Variants in EIF4E observed in about 807,000 individuals in gnomAD.
EIF4E encodes eIF-4F 25 kDa subunit.
For missense variants in EIF4E, 113 were observed against 265.6 expected (o/e 0.43, Z 3.99); for synonymous variants, 71 against 88.5 (o/e 0.80, Z 1.11).
intron 6 of EIF4E, among the ~76,000 whole-genome samples, chr4:98,884,038 C>CA (rs11438126): frequency 0.45 from 45,665 of 102,512 alleles, 7,595 homozygotes; most frequent in Non-Finnish European, 0.47. Flanking sequence ...GACCCTGTCT[C>CA]AAAAAAAAAA....
At chr4:98,889,840 G>T (rs945317254) in intron 3 of EIF4E, among the ~76,000 whole-genome samples, 2 of 151,868 alleles carry the variant, frequency 1.3e-5, no homozygotes, top group Admixed American at 1.3e-4. Context: ...GCTTTTTTTT[G>T]GGGGGTGCAG....
intron 1 of EIF4E, among the ~76,000 whole-genome samples, chr4:98,907,152 A>G (rs138470254): frequency 3.3e-5 from 5 of 152,292 alleles, no homozygotes; most frequent in African/African-American, 9.6e-5. Flanking sequence ...TTTTTAAATT[A>G]TATTTATCAC....
At chr4:98,886,995 G>A in intron 5 of EIF4E, 84 bp downstream of exon 5, 1 of 1,379,460 alleles carries the variant, frequency 7.2e-7, no homozygotes, top group Non-Finnish European at 1.0e-6. Flanking sequence ...CTTAAATTAA[G>A]TAACAAATGT....
At position 98,924,428 on chromosome 4, in the gene EIF4E, G is replaced by C. The variant is rs138157266; in HGVS notation, c.18+4667C>G. 9.0e-3 allele frequency among the ~76,000 whole-genome samples: 1,363 copies of C among 151,878 alleles called. 25 individuals are homozygous for C. Among genetic ancestry groups the C allele is most frequent in the African/African-American group, 0.031 (1,292 of 41,402 alleles). The stretch of plus-strand genomic sequence containing the variant: ...ACAATATTTTACTTAAATGTTTTTT[G>C]CCTACAGTTTTCTGTCCAAACTAGA... On this transcript the variant is annotated intron_variant, in intron 1 of 6. Coordinates refer to ENST00000450253, the MANE Select transcript of EIF4E (RefSeq NM_001968.5).
At chr4:98,916,349 A>G (rs1489827489) in intron 1 of EIF4E, among the ~76,000 whole-genome samples, 1 of 151,924 alleles carries the variant, frequency 6.6e-6, no homozygotes, top group Non-Finnish European at 1.5e-5. Context: ...CTGGAAATTC[A>G]AAATGAATGG....
At chr4:98,925,622 AG>A (rs1208228124) in intron 1 of EIF4E, among the ~76,000 whole-genome samples, 7 of 152,226 alleles carry the variant, frequency 4.6e-5, no homozygotes, top group Non-Finnish European at 1.0e-4. Flanking sequence ...TCATACAAAG[AG>A]AAAACCACAC....
Position 98,880,953 on chromosome 4 carries a change from A to T in EIF4E, c.*75T>A. The stretch of plus-strand genomic sequence containing the variant: ...TAAATGCAGTCCACTCTGCTTTTTG[A>T]AGAGGCTTTGGTTCAGCTCCCAAAT... On this transcript the variant is annotated 3_prime_UTR_variant, in exon 7 of 7. Transcript: ENST00000450253. The T allele has an allele frequency of 6.5e-7, 1 of 1,543,980 alleles. No individual in the cohort carries two copies. The highest frequency in any genetic ancestry group is 8.8e-7 in the Non-Finnish European group (1 of 1,142,516).
chr4:98,890,216 A>ACCACAATCTATTTC (rs1345713955), intron 3 of EIF4E, among the ~76,000 whole-genome samples: 1 of 152,214 alleles, frequency 6.6e-6, no homozygotes, highest in Non-Finnish European at 1.5e-5. Context: ...TAAATTTTAT[A>ACCACAATCTATTTC]CCACAATCTA....
At chr4:98,891,426 C>A in intron 2 of EIF4E, 94 bp from the exon 3 acceptor site, 7 of 1,046,546 alleles carry the variant, frequency 6.7e-6, no homozygotes, top group Non-Finnish European at 1.0e-5. Context: ...AAGCAACCCA[C>A]CTGTCCATCA....
At chr4:98,924,681 C>T (rs1180823389) in intron 1 of EIF4E, among the ~76,000 whole-genome samples, 2 of 152,062 alleles carry the variant, frequency 1.3e-5, no homozygotes, top group East Asian at 1.9e-4. Context: ...GCAACCTCCA[C>T]CTCCAGGTTC....
chr4:98,914,062 CT>C lies in EIF4E; in HGVS notation c.19-12081del, dbSNP rs745701087. On this transcript the variant is annotated intron_variant, in intron 1 of 6. Coordinates refer to ENST00000450253, the MANE Select transcript of EIF4E (RefSeq NM_001968.5). The stretch of plus-strand genomic sequence containing the variant: ...TTACAGAACCATATAAAAATGAGCA[CT>C]TAAAAAAAAAAAAAGGCCAGGCACG... Among the ~76,000 whole-genome samples the C allele has an allele frequency of 2.1e-4, 31 of 148,216 alleles. No homozygotes were observed. The East Asian group carries it at 5.1e-3, about 24-fold the overall frequency.
At chr4:98,911,684 A>G (rs1043504948) in intron 1 of EIF4E, among the ~76,000 whole-genome samples, 18 of 148,448 alleles carry the variant, frequency 1.2e-4, no homozygotes, top group South Asian at 8.4e-4. Context: ...AAAAAAAAAA[A>G]AAGAAGACTT....
At chr4:98,915,308 T>C (rs1022673792) in intron 1 of EIF4E, among the ~76,000 whole-genome samples, 3 of 151,262 alleles carry the variant, frequency 2.0e-5, no homozygotes, top group Non-Finnish European at 4.4e-5. Flanking sequence ...AAGGATATGG[T>C]TAAAAAAAAA....
intron 6 of EIF4E, 35 bp downstream of exon 6, chr4:98,884,887 T>C (rs1723850748): frequency 4.3e-6 from 7 of 1,610,144 alleles, no homozygotes; most frequent in African/African-American, 2.7e-5. Flanking sequence ...CTCATCTTAA[T>C]ACTGTAAAAT....
In EIF4E at chr4:98,885,065, A is replaced by T. The variant is rs767620602; in HGVS notation, c.400-4T>A. ...ATTCTCCAATAAGGCACAGAAGCTT[A>T]AAAAAAAATCCCAAATTACATTTAA... On this transcript the variant is annotated splice_polypyrimidine_tract_variant and splice_region_variant and intron_variant, in intron 5 of 6. Coordinates refer to ENST00000450253, the MANE Select transcript of EIF4E (RefSeq NM_001968.5). 83 of 1,591,126 alleles carry T rather than the reference A, an allele frequency of 5.2e-5. No homozygotes were observed. Among genetic ancestry groups the T allele is most frequent in the Non-Finnish European group, 6.8e-5 (79 of 1,165,638 alleles).
At chr4:98,909,625 C>T (rs948714979) in intron 1 of EIF4E, 6 of 685,854 alleles carry the variant, frequency 8.7e-6, no homozygotes, top group African/African-American at 1.8e-5. Context: ...TAAAATCTGC[C>T]AAAGAACAGT....
At position 98,887,073 on chromosome 4, in the gene EIF4E, C is replaced by T. The variant is rs1723954383; in HGVS notation, c.399+6G>A. On this transcript the variant is annotated splice_donor_region_variant and intron_variant, in intron 5 of 6. Transcript: ENST00000450253. The surrounding 1 kb of genome is among the most constrained non-coding windows in gnomAD (Gnocchi z 4.0). Reference sequence around the variant, plus strand: ...CTAAAACTGCTTTATACTTTTAAAACCTTACTGTCTCTAGCCAAAAGCGAT... The same window carrying T: ...CTAAAACTGCTTTATACTTTTAAAATCTTACTGTCTCTAGCCAAAAGCGAT... 6.2e-7 allele frequency: 1 copy of T among 1,612,370 alleles called. No homozygotes were observed. Among genetic ancestry groups the T allele is most frequent in the South Asian group, 1.1e-5 (1 of 91,020 alleles).
intron 2 of EIF4E, among the ~76,000 whole-genome samples, chr4:98,896,944 G>A (rs907882806): frequency 1.8e-4 from 27 of 152,150 alleles, no homozygotes; most frequent in Non-Finnish European, 8.8e-5. Context: ...GACAGAGTGA[G>A]ACCCTGTCTT....
At chr4:98,928,772 A>AC in intron 1 of EIF4E, 1 of 1,313,362 alleles carries the variant, frequency 7.6e-7, no homozygotes. Flanking sequence ...TCATGAAGAC[A>AC]CCATCCTCGC....
Sources: gnomAD v4.1 joint callset for allele counts (sites outside exome capture counted in the v4.1 genomes callset) on GRCh38, gnomAD v4.1.1 for gene constraint, Gnocchi (gnomAD v3.1) non-coding constraint, MANE v1.5 for transcripts, NCBI Gene and HGNC (gene_info 2026-07-23, HGNC 2026-07-21) for gene names.